Variants in CNOT7 observed in about 807,000 individuals in gnomAD.
CNOT7 encodes the protein CCR4-NOT transcription complex subunit 7.
Under a neutral mutation model 37.1 loss-of-function variants are expected in CNOT7, and 4 were observed. The ratio of observed to expected loss-of-function variants is 0.11; its 90% CI spans 0.05 to 0.25. The LOEUF (loss-of-function observed/expected upper bound fraction) is 0.25. CNOT7 is among the 10% of genes least tolerant of loss of function. The pLI is 1.00. For synonymous variants in CNOT7, 128 were observed against 115.6 expected (o/e 1.11, Z -0.69); for missense variants, 170 against 336.2 (o/e 0.51, Z 3.87).
chr8:17,231,986 T>C (rs1453087443), intron 6 of CNOT7: 1 of 992,766 alleles, frequency 1.0e-6, no homozygotes, highest in Non-Finnish European at 1.2e-6. Context: ...GCAAATAATA[T>C]ATTTATCACC....
chr8:17,230,206 TA>T lies in CNOT7; in HGVS notation c.*513del, dbSNP rs1808446612. ...GGGTCAAAACCAAGTAAATACTGTG[TA>T]AAGTTGGCAGATTTTTCCAGCTAAG... is the stretch of plus-strand genomic sequence containing the variant. On this transcript the variant is annotated 3_prime_UTR_variant, in exon 7 of 7. Coordinates refer to ENST00000361272, the MANE Select transcript of CNOT7 (RefSeq NM_013354.7). 1 of 152,544 alleles carries T rather than the reference TA, an allele frequency of 6.6e-6. No homozygotes were observed. Among genetic ancestry groups the T allele is most frequent in the African/African-American group, 2.4e-5 (1 of 41,438 alleles). 9.4% of individuals were successfully genotyped at this position (152,544 alleles called of 1,614,324 possible). A position where few individuals can be genotyped will look rare whatever the true frequency, so the allele number is the denominator to read the frequency against.
intron 3 of CNOT7, chr8:17,241,558 T>C (rs1014029498): frequency 8.5e-5 from 13 of 152,184 alleles, no homozygotes; most frequent in Non-Finnish European, 1.5e-4. Context: ...AATTCATACA[T>C]TGGCACTACC....
chr8:17,231,372 A>G (rs1808585120), intron 6 of CNOT7: 1 of 237,462 alleles, frequency 4.2e-6, no homozygotes, highest in Non-Finnish European at 6.8e-6. Flanking sequence ...TAAATAAACC[A>G]TTAAGACATT....
rs1234630840 is a variant in CNOT7, at chr8:17,237,237, C to T, written c.448G>A (p.Gly150Arg). The T allele has an allele frequency of 1.9e-6, 3 of 1,614,090 alleles. No homozygotes were observed. Among genetic ancestry groups the T allele is most frequent in the South Asian group, 2.2e-5 (2 of 91,074 alleles). ...LMTSGVVLCEGVKWLSFHSGY... is the reference protein window; with the variant it reads ...LMTSGVVLCERVKWLSFHSGY... ...CTATGAAATGACAACCATTTGACCC[C>T]TTCACAGAGGACCACTCCAGAAGTC... Residue 150 changes from glycine (G) to arginine (R), a missense_variant, in exon 4 of 7, where the codon GGG (glycine) becomes AGG (arginine). Transcript: ENST00000361272.
rs1249248399 is a variant in CNOT7, at chr8:17,228,928, T to C, written c.*1792A>G. On this transcript the variant is annotated 3_prime_UTR_variant, in exon 7 of 7. Coordinates refer to ENST00000361272, the MANE Select transcript of CNOT7 (RefSeq NM_013354.7). The stretch of plus-strand genomic sequence containing the variant: ...AACTTACTACATTGTGTTAGATTTT[T>C]TAAAAAGCCACAGTTATACCAAATG... 1.3e-5 allele frequency: 2 copies of C among 151,970 alleles called. No individual in the cohort carries two copies. Among genetic ancestry groups the C allele is most frequent in the African/African-American group, 4.8e-5 (2 of 41,448 alleles). 9.4% of individuals were successfully genotyped at this position (151,970 alleles called of 1,614,324 possible). A position where few individuals can be genotyped will look rare whatever the true frequency, so the allele number is the denominator to read the frequency against.
intron 4 of CNOT7, 97 bp downstream of exon 4, chr8:17,237,115 A>G: frequency 8.2e-7 from 1 of 1,222,870 alleles, no homozygotes; most frequent in Non-Finnish European, 1.2e-6. Flanking sequence ...AACTCTTTCC[A>G]GAATTAAACC....
chr8:17,244,525 C>G (rs919510292), intron 2 of CNOT7: 1 of 152,432 alleles, frequency 6.6e-6, no homozygotes, highest in African/African-American at 2.4e-5. Context: ...TCAAATAAGG[C>G]CACTCTGTAA....
At chr8:17,241,380 T>C (rs1394817349) in intron 3 of CNOT7, 2 of 151,140 alleles carry the variant, frequency 1.3e-5, no homozygotes, top group South Asian at 2.1e-4. Context: ...ATGGAGAGTA[T>C]ATTATTAAAC....
intron 6 of CNOT7, chr8:17,232,208 G>A (rs1808731743): frequency 7.3e-7 from 1 of 1,360,644 alleles, no homozygotes; most frequent in Admixed American, 3.5e-5. Context: ...TTTTAAAATT[G>A]TTGGTTCTAT....
At chr8:17,234,999 CAGAGA>C in intron 4 of CNOT7, 139 bp from the exon 5 acceptor site, 1 of 656,096 alleles carries the variant, frequency 1.5e-6, no homozygotes, top group Non-Finnish European at 2.5e-6. Flanking sequence ...CACACAAGAA[CAGAGA>C]AAACAAACAT....
At chr8:17,230,989 G>A (rs1005656894) in intron 6 of CNOT7, 141 bp from the exon 7 acceptor site, 7 of 572,962 alleles carry the variant, frequency 1.2e-5, no homozygotes, top group Admixed American at 3.4e-5. Flanking sequence ...TTGAGGCTAC[G>A]CATTTCAGTT....
Position 17,230,811 on chromosome 8 carries a change from C to G in CNOT7, c.767G>C (p.Cys256Ser). 6.2e-7 allele frequency: 1 copy of G among 1,603,076 alleles called. No homozygotes were observed. The highest frequency in any genetic ancestry group is 8.5e-7 in the Non-Finnish European group (1 of 1,172,542). ...AGAACCAAGGCCATACAAATGACCA[C>G]AATATTTGGCATCATCAATATGATC... ...FEDHIDDAKY[C>S]GHLYGLGSGS... Residue 256 changes from cysteine (C) to serine (S), a missense_variant, in exon 7 of 7, where the codon TGT (cysteine) becomes TCT (serine). Cys to Ser is a moderately radical substitution (Grantham distance 112). This residue lies in a region of CNOT7 where 25 missense variants were observed against 43.3 expected (regional missense o/e 0.58). Coordinates refer to ENST00000361272, the MANE Select transcript of CNOT7 (RefSeq NM_013354.7).
At chr8:17,231,577 C>G (rs1394747721) in intron 6 of CNOT7, 3 of 984,914 alleles carry the variant, frequency 3.0e-6, no homozygotes, top group African/African-American at 1.7e-5. Context: ...TTTAAATTCT[C>G]AGTCTCAATT....
chr8:17,239,138 G>A (rs1809794772), intron 3 of CNOT7, among the ~76,000 whole-genome samples: 1 of 152,136 alleles, frequency 6.6e-6, no homozygotes, highest in Non-Finnish European at 1.5e-5. Context: ...CTGTAGCCTT[G>A]ACCTCCCGGA....
chr8:17,243,642 C>T, intron 2 of CNOT7: 1 of 456,606 alleles, frequency 2.2e-6, no homozygotes, highest in Non-Finnish European at 4.4e-6. Flanking sequence ...ACATCATTAG[C>T]TTCCTAATTT....
At position 17,230,024 on chromosome 8, in the gene CNOT7, G is replaced by C. The variant is rs1235224416; in HGVS notation, c.*696C>G. Reference sequence around the variant, plus strand: ...GGTTTGAAAATTCTTCAGTCACAGAGCAGCCTACACATGCCAATTAGAAAC... The same window carrying C: ...GGTTTGAAAATTCTTCAGTCACAGACCAGCCTACACATGCCAATTAGAAAC... On this transcript the variant is annotated 3_prime_UTR_variant, in exon 7 of 7. Coordinates refer to ENST00000361272, the MANE Select transcript of CNOT7 (RefSeq NM_013354.7). The C allele has an allele frequency of 1.3e-5, 2 of 152,292 alleles. No homozygotes were observed. The highest frequency in any genetic ancestry group is 4.8e-5 in the African/African-American group (2 of 41,396). The allele number at this position is 152,292 out of a possible 1,614,324, so 9.4% of individuals were successfully genotyped here.
intron 3 of CNOT7, among the ~76,000 whole-genome samples, chr8:17,240,521 A>G (rs1403379609): frequency 6.6e-6 from 1 of 152,210 alleles, no homozygotes; most frequent in East Asian, 1.9e-4. Context: ...TTTGAGTAAG[A>G]AAGAAAAAAT....
intron 1 of CNOT7, 108 bp from the exon 2 acceptor site, chr8:17,245,355 AT>A: frequency 4.1e-6 from 2 of 482,634 alleles, no homozygotes; most frequent in Non-Finnish European, 6.7e-6. Context: ...TTCTTGACTC[AT>A]AAAAAAAAAA....
At position 17,228,729 on chromosome 8, in the gene CNOT7, A is replaced by G. The variant is rs1808321795; in HGVS notation, c.*1991T>C. 1 of 151,960 alleles carries G rather than the reference A, an allele frequency of 6.6e-6. No homozygotes were observed. The highest frequency in any genetic ancestry group is 2.4e-5 in the African/African-American group (1 of 41,436). The allele number at this position is 151,960 out of a possible 1,614,324, so 9.4% of individuals were successfully genotyped here. On this transcript the variant is annotated 3_prime_UTR_variant, in exon 7 of 7. Transcript: ENST00000361272. Reference sequence around the variant, plus strand: ...AGCCAGAAATGATACAAGTTATGAGATTGAGCAACTATGTGGCTAATAAAA... The same window carrying G: ...AGCCAGAAATGATACAAGTTATGAGGTTGAGCAACTATGTGGCTAATAAAA...
Sources: allele counts gnomAD v4.1 joint callset (sites outside exome capture counted in the v4.1 genomes callset), GRCh38; gene constraint gnomAD v4.1.1; regional missense constraint gnomAD v4.1.1; transcripts MANE v1.5; gene names NCBI Gene and HGNC (gene_info 2026-07-23, HGNC 2026-07-21).